Variants in CNTD1 observed in about 807,000 individuals in gnomAD.
The protein encoded by CNTD1 is cyclin N-terminal domain-containing protein 1.
In CNTD1, 17 loss-of-function variants were observed where a neutral mutation model predicts 36.3. The observed-to-expected ratio is 0.47, with a 90% CI of 0.32 to 0.70. The LOEUF is 0.70. CNTD1 is among the 30% of genes least tolerant of loss of function. The pLI is 0.03. For synonymous variants in CNTD1, 128 were observed against 153.3 expected, an observed-to-expected ratio of 0.83 and a Z score of 1.22; for missense variants, 338 against 386.1, an observed-to-expected ratio of 0.88 and a Z score of 1.04.
intron 3 of CNTD1, 64 bp from the exon 4 acceptor site, chr17:42,805,658 C>T (rs1326212550): frequency 1.4e-6 from 2 of 1,397,338 alleles, no homozygotes; most frequent in Non-Finnish European, 2.0e-6. Context: ...GGGCTTTGTG[C>T]ACTCTGTCAA....
chr17:42,804,134 C>T (rs2054838178), intron 2 of CNTD1, 91 bp from the exon 3 acceptor site: 5 of 1,244,612 alleles, frequency 4.0e-6, no homozygotes, highest in African/African-American at 1.5e-5. Context: ...CCACCATGCT[C>T]AGCCTCAAAT....
intron 2 of CNTD1, among the ~76,000 whole-genome samples, chr17:42,803,998 G>A (rs922116092): frequency 1.3e-5 from 2 of 150,688 alleles, no homozygotes; most frequent in Admixed American, 6.6e-5. Flanking sequence ...TCCACACTTC[G>A]CACTTGGCTA....
intron 4 of CNTD1, 28 bp from the exon 5 acceptor site, chr17:42,806,646 C>A: frequency 6.2e-7 from 1 of 1,609,878 alleles, no homozygotes; most frequent in South Asian, 1.1e-5. Context: ...ATCATAAATT[C>A]TCCCTATCAT....
At chr17:42,801,338 A>G (rs1431981509) in intron 1 of CNTD1, among the ~76,000 whole-genome samples, 1 of 148,554 alleles carries the variant, frequency 6.7e-6, no homozygotes, top group African/African-American at 2.5e-5. Flanking sequence ...TCTACTAAAA[A>G]TACAAAAATT....
Position 42,809,555 on chromosome 17 carries a change from A to T in CNTD1, c.*20A>T. On this transcript the variant is annotated 3_prime_UTR_variant, in exon 7 of 7. Coordinates refer to ENST00000588408, the MANE Select transcript of CNTD1 (RefSeq NM_173478.3). ...ACATGAGGGAGGCTGAATCCACCAA[A>T]TATAAACAGCCATCCGTCACTGCAC... The T allele has an allele frequency of 6.2e-7, 1 of 1,611,088 alleles. No homozygotes were observed. The highest frequency in any genetic ancestry group is 8.5e-7 in the Non-Finnish European group (1 of 1,177,622).
At chr17:42,803,824 A>G in intron 2 of CNTD1, 129 bp downstream of exon 2, 1 of 732,340 alleles carries the variant, frequency 1.4e-6, no homozygotes, top group Non-Finnish European at 2.3e-6. Context: ...TAACTTGCAA[A>G]TATAAATTTC....
rs77105880 is a variant in CNTD1 at position 42,809,390 on chromosome 17, C to G, written c.848C>G (p.Thr283Ser). The change falls in exon 7 of 7, where the codon ACT (threonine) becomes AGT (serine). Residue 283 changes from threonine (T) to serine (S), a missense_variant. Thr to Ser is a moderately conservative substitution (Grantham distance 58, BLOSUM62 1). Transcript: ENST00000588408. ...SQVVGHLQSI[T>S]GIALASIAEF... ...GTTGTGGGGCATTTGCAGAGCATCA[C>G]TGGTATTGCCTTGGCAAGCATTGCT... 44 of 1,613,840 alleles carry G rather than the reference C, an allele frequency of 2.7e-5. No individual in the cohort carries two copies. The highest frequency in any genetic ancestry group is 3.1e-5 in the Non-Finnish European group (37 of 1,179,824).
intron 1 of CNTD1, among the ~76,000 whole-genome samples, chr17:42,801,495 CAAAAAAA>C (rs748783042): frequency 2.8e-5 from 1 of 35,308 alleles, no homozygotes; most frequent in African/African-American, 1.8e-4. Flanking sequence ...GACCTTGTCT[CAAAAAAA>C]AAAAAAAAAT....
Position 42,804,296 on chromosome 17 carries a change from C to A in CNTD1, c.317C>A (p.Ser106Tyr). ...CAGCCAAGAGATAATAAGAGAGAGT[C>A]TCAGAATTGGAGGGCTCTGAAACAG... ...TIQPRDNKRE[S>Y]QNWRALKQQL... The change falls in exon 3 of 7, where the codon TCT becomes TAT. Residue 106 changes from serine (S) to tyrosine (Y), a missense_variant. Ser to Tyr is a moderately radical substitution (Grantham distance 144, BLOSUM62 -2). Coordinates refer to ENST00000588408, the MANE Select transcript of CNTD1 (RefSeq NM_173478.3). 6.2e-7 allele frequency: 1 copy of A among 1,613,998 alleles called. No homozygotes were observed. The highest frequency in any genetic ancestry group is 1.7e-5 in the Admixed American group (1 of 60,012).
At chr17:42,806,997 G>A (rs111276186) in intron 5 of CNTD1, among the ~76,000 whole-genome samples, 179 bp downstream of exon 5, 27 of 152,222 alleles carry the variant, frequency 1.8e-4, no homozygotes, top group African/African-American at 4.8e-4. Flanking sequence ...AGCCTGGTCA[G>A]GAAAACCCTA....
At chr17:42,805,915 G>A (rs370333083) in intron 4 of CNTD1, 31 bp downstream of exon 4, 19 of 1,584,412 alleles carry the variant, frequency 1.2e-5, no homozygotes, top group Non-Finnish European at 1.6e-5. Context: ...ATATGGGTTG[G>A]AGACTTCCAT....
At position 42,809,440 on chromosome 17, in the gene CNTD1, C is replaced by T; in HGVS notation, c.898C>T (p.His300Tyr). The T allele has an allele frequency of 1.2e-6, 2 of 1,614,198 alleles. No individual in the cohort carries two copies. Among genetic ancestry groups the T allele is most frequent in the Non-Finnish European group, 1.7e-6 (2 of 1,180,018 alleles). Residue 300 changes from histidine (H) to tyrosine (Y), a missense_variant, in exon 7 of 7, where the codon CAC (histidine) becomes TAC (tyrosine). Coordinates refer to ENST00000588408, the MANE Select transcript of CNTD1 (RefSeq NM_173478.3). ...IAEFSYAILT[H>Y]GVGANTPGRQ... ...TGAGTTCTCTTATGCAATCCTGACT[C>T]ACGGAGTGGGAGCCAACACTCCGGG...
At chr17:42,805,996 G>A (rs2144124964) in intron 4 of CNTD1, 112 bp downstream of exon 4, 2 of 1,007,962 alleles carry the variant, frequency 2.0e-6, no homozygotes, top group East Asian at 5.4e-5. Flanking sequence ...GGGAGGCTGA[G>A]GTAGGTGGAT....
rs1324184385 is a variant in CNTD1, at chr17:42,809,547, T to C, written c.*12T>C. 1.9e-6 allele frequency: 3 copies of C among 1,612,746 alleles called. No homozygotes were observed. In the East Asian group the frequency reaches 6.7e-5, roughly 36 times the overall value. ...CCTCTAACACATGAGGGAGGCTGAATCCACCAAATATAAACAGCCATCCGT... is the reference window on the plus strand; with the variant it reads ...CCTCTAACACATGAGGGAGGCTGAACCCACCAAATATAAACAGCCATCCGT... On this transcript the variant is annotated 3_prime_UTR_variant, in exon 7 of 7. Coordinates refer to ENST00000588408, the MANE Select transcript of CNTD1 (RefSeq NM_173478.3).
At chr17:42,804,162 C>T (rs1442433276) in intron 2 of CNTD1, 63 bp from the exon 3 acceptor site, 35 of 1,459,220 alleles carry the variant, frequency 2.4e-5, no homozygotes, top group Non-Finnish European at 3.0e-5. Flanking sequence ...TCTTAACCAG[C>T]AAGTTAAACT....
At chr17:42,808,029 T>C in intron 6 of CNTD1, 165 bp downstream of exon 6, 1 of 538,586 alleles carries the variant, frequency 1.9e-6, no homozygotes, top group Non-Finnish European at 3.3e-6. Context: ...AGGGCTGAAA[T>C]GTTTCCTTGT....
chr17:42,805,685 C>G lies in CNTD1; in HGVS notation c.418-37C>G, dbSNP rs16968007. 6,807 of 1,581,544 alleles carry G rather than the reference C, an allele frequency of 4.3e-3. 248 individuals are homozygous for G. The African/African-American group carries it at 0.081, about 19-fold the overall frequency. On this transcript the variant is annotated intron_variant, in intron 3 of 6. Coordinates refer to ENST00000588408, the MANE Select transcript of CNTD1 (RefSeq NM_173478.3). ...CTCTGTCAAGACGTATGAACTTTAT[C>G]CTAACATTCTTCTTTCCCTCTCTTT...
chr17:42,801,507 AAAAAT>A (rs1354066775), intron 1 of CNTD1, among the ~76,000 whole-genome samples: 7 of 55,346 alleles, frequency 1.3e-4, no homozygotes, highest in East Asian at 6.5e-4. Flanking sequence ...AAAAAAAAAA[AAAAAT>A]ATATATATAT....
chr17:42,805,292 T>C (rs1378891766), intron 3 of CNTD1: 1 of 158,772 alleles, frequency 6.3e-6, no homozygotes, highest in Non-Finnish European at 1.4e-5. Context: ...AAGGAACCTA[T>C]TATGTAATGG....
Sources: gnomAD v4.1 joint callset for allele counts (sites outside exome capture counted in the v4.1 genomes callset) on GRCh38, gnomAD v4.1.1 for gene constraint, MANE v1.5 for transcripts, NCBI Gene and HGNC (gene_info 2026-07-23, HGNC 2026-07-21) for gene names.